The following CCDC3 variants were observed in gnomAD, a reference collection of about 807,000 sequenced individuals.
The protein encoded by CCDC3 is coiled-coil domain containing 3, also known as coiled-coil domain-containing protein 3.
Under a neutral mutation model 21.4 loss-of-function variants are expected in CCDC3, and 24 were observed. The observed-to-expected ratio is 1.12, with a 90% CI of 0.81 to 1.58. The LOEUF (loss-of-function observed/expected upper bound fraction) is 1.58, where lower values mean the gene tolerates loss of function less well. Among genes scored for constraint, CCDC3 ranks in the 40% most tolerant of loss-of-function variants. The pLI, the probability that CCDC3 is intolerant of heterozygous loss-of-function variation, is 0.00. For synonymous variants in CCDC3, 186 were observed against 166.0 expected (o/e 1.12, Z -0.93); for missense variants, 425 against 360.9 (o/e 1.18, Z -1.44).
chr10:12,933,454 C>CTTTTTTTTTTTTT (rs545950029), intron 2 of CCDC3, among the ~76,000 whole-genome samples: 1 of 115,830 alleles, frequency 8.6e-6, no homozygotes. Flanking sequence ...ATAATATTCC[C>CTTTTTTTTTTTTT]TTTATTTTTT....
At chr10:13,096,824 C>A (rs1433833922) in intron 3 of CCDC3, among the ~76,000 whole-genome samples, 1 of 152,150 alleles carries the variant, frequency 6.6e-6, no homozygotes, top group Non-Finnish European at 1.5e-5. Flanking sequence ...CATAAGACCA[C>A]CATCCCACTC....
intron 2 of CCDC3, among the ~76,000 whole-genome samples, chr10:12,973,929 C>T (rs974749621): frequency 4.6e-5 from 7 of 152,160 alleles, no homozygotes; most frequent in South Asian, 2.1e-4. Flanking sequence ...AAACAATCTC[C>T]GACTTTGACT....
intron 4 of CCDC3, among the ~76,000 whole-genome samples, chr10:13,064,273 A>C (rs1836797597): frequency 6.6e-6 from 1 of 152,162 alleles, no homozygotes; most frequent in Admixed American, 6.5e-5. Context: ...TTCATCCTCA[A>C]ACACCTCTCT....
chr10:12,998,095 G>A (rs1379886439), intron 2 of CCDC3, among the ~76,000 whole-genome samples: 1 of 152,152 alleles, frequency 6.6e-6, no homozygotes, highest in African/African-American at 2.4e-5. Flanking sequence ...ATCTCATCTT[G>A]TTCTCATACT....
At chr10:12,940,006 C>T (rs2131236974) in intron 2 of CCDC3, among the ~76,000 whole-genome samples, 1 of 152,232 alleles carries the variant, frequency 6.6e-6, no homozygotes, top group South Asian at 2.1e-4. Context: ...GATTAAATGC[C>T]CATTCTAGGG....
intron 2 of CCDC3, among the ~76,000 whole-genome samples, chr10:12,950,655 T>C (rs772520553): frequency 2.7e-4 from 41 of 152,242 alleles, no homozygotes; most frequent in Non-Finnish European, 5.6e-4. Context: ...CTTCCTCTCC[T>C]GTATACTGTT....
intron 2 of CCDC3, among the ~76,000 whole-genome samples, chr10:12,975,038 G>A (rs1024776574): frequency 6.6e-6 from 1 of 152,164 alleles, no homozygotes; most frequent in Non-Finnish European, 1.5e-5. Context: ...AGGAGATTTC[G>A]AGATGCTGAA....
chr10:13,030,924 T>C (rs1164893410), intron 5 of CCDC3, among the ~76,000 whole-genome samples: 2 of 152,060 alleles, frequency 1.3e-5, no homozygotes, highest in African/African-American at 4.8e-5. Context: ...CTGTCAACAT[T>C]AGACAGATCA....
At chr10:12,916,426 C>CAAA (rs71386129) in intron 2 of CCDC3, among the ~76,000 whole-genome samples, 26 of 105,250 alleles carry the variant, frequency 2.5e-4, no homozygotes, top group African/African-American at 5.6e-4. Context: ...GACTCCATCT[C>CAAA]AAAAAAAAAA....
intron 2 of CCDC3, among the ~76,000 whole-genome samples, chr10:12,978,634 A>G (rs1835452723): frequency 6.6e-6 from 1 of 152,148 alleles, no homozygotes; most frequent in African/African-American, 2.4e-5. Context: ...AGACCCAGAG[A>G]GGACGGCAAG....
chr10:13,021,158 G>T (rs1024466485), intron 5 of CCDC3, among the ~76,000 whole-genome samples: 1 of 152,168 alleles, frequency 6.6e-6, no homozygotes, highest in African/African-American at 2.4e-5. Flanking sequence ...GTTCTACTCG[G>T]CATTTGCAAA....
chr10:12,922,889 G>A (rs17592642), intron 2 of CCDC3, among the ~76,000 whole-genome samples: 8,013 of 152,190 alleles, frequency 0.053, 238 homozygotes, highest in Non-Finnish European at 0.071. Flanking sequence ...AGAGGAGCCC[G>A]GAGCCTTCCG....
chr10:12,915,503 C>T (rs988699620), intron 2 of CCDC3, among the ~76,000 whole-genome samples: 3 of 152,158 alleles, frequency 2.0e-5, no homozygotes, highest in Non-Finnish European at 2.9e-5. Context: ...GAGTCAGTTA[C>T]TGGTGCTTTA....
At chr10:13,021,583 A>G (rs1836146420) in intron 5 of CCDC3, among the ~76,000 whole-genome samples, 1 of 152,146 alleles carries the variant, frequency 6.6e-6, no homozygotes, top group Non-Finnish European at 1.5e-5. Context: ...GGACAAAACG[A>G]ATAGAGAAAT....
intron 5 of CCDC3, among the ~76,000 whole-genome samples, chr10:13,039,955 C>G (rs561325394): frequency 8.6e-5 from 13 of 151,874 alleles, no homozygotes; most frequent in Non-Finnish European, 7.4e-5. Context: ...CCTATAGCAC[C>G]TAGGTGACCG....
chr10:13,022,179 A>C (rs1836155110), intron 5 of CCDC3, among the ~76,000 whole-genome samples: 1 of 152,186 alleles, frequency 6.6e-6, no homozygotes, highest in Admixed American at 6.5e-5. Context: ...GCCAGTGAAC[A>C]GACGTCCTCC....
At chr10:12,900,702 A>C (rs914537050) in intron 2 of CCDC3, among the ~76,000 whole-genome samples, 3 of 150,420 alleles carry the variant, frequency 2.0e-5, no homozygotes, top group African/African-American at 7.3e-5. Flanking sequence ...AAAAAAAAAA[A>C]AAAAAAACAA....
At chr10:13,021,046 G>A (rs923110890) in intron 5 of CCDC3, among the ~76,000 whole-genome samples, 14 of 152,072 alleles carry the variant, frequency 9.2e-5, no homozygotes, top group African/African-American at 2.2e-4. Context: ...GGTTTATTTA[G>A]CACTAAAAAT....
chr10:12,903,157 G>C (rs991768428), intron 2 of CCDC3, among the ~76,000 whole-genome samples: 1 of 152,212 alleles, frequency 6.6e-6, no homozygotes, highest in African/African-American at 2.4e-5. Context: ...CTGTATCTCT[G>C]CAGCAAAGTG....
Sources: gnomAD v4.1 joint callset for allele counts (sites outside exome capture counted in the v4.1 genomes callset) on GRCh38, gnomAD v4.1.1 for gene constraint, MANE v1.5 for transcripts, NCBI Gene and HGNC (gene_info 2026-07-23, HGNC 2026-07-21) for gene names.